The following AHI1 variants were observed in gnomAD, a reference collection of about 807,000 sequenced individuals.
AHI1 encodes the protein jouberin.
In AHI1, 123 loss-of-function variants were observed where a neutral mutation model predicts 149.3. The ratio of observed to expected loss-of-function variants is 0.82; its 90% CI spans 0.71 to 0.96. AHI1 has a LOEUF of 0.96. AHI1 is among the 40% of genes least tolerant of loss of function. The pLI is 0.00. For missense variants in AHI1, 1,439 were observed against 1,422.7 expected, an observed-to-expected ratio of 1.01 and a Z score of -0.18; for synonymous variants, 475 against 459.8, an observed-to-expected ratio of 1.03 and a Z score of -0.42.
At chr6:135,436,932 A>C (rs1482337350) in intron 15 of AHI1, among the ~76,000 whole-genome samples, 1 of 152,208 alleles carries the variant, frequency 6.6e-6, no homozygotes, top group Non-Finnish European at 1.5e-5. Context: ...ATGAGAGGAC[A>C]CAATCAATAG....
intron 23 of AHI1, among the ~76,000 whole-genome samples, chr6:135,363,799 G>GC (rs1385152893): frequency 9.4e-5 from 14 of 149,256 alleles, no homozygotes; most frequent in African/African-American, 1.5e-4. Flanking sequence ...GGACGGGGTG[G>GC]TGGCCGGGCA....
Position 135,453,383 on chromosome 6 carries a change from G to A in AHI1, c.1398C>T (p.Asn466=), listed in dbSNP as rs1238077724. The A allele has an allele frequency of 5.1e-6, 8 of 1,562,176 alleles. No individual in the cohort carries two copies. Among genetic ancestry groups the A allele is most frequent in the Middle Eastern group, 1.7e-4 (1 of 6,024 alleles). The change falls in exon 11 of 29, where the codon AAC becomes AAT. Residue 466 remains asparagine (N), a synonymous_variant. Coordinates refer to ENST00000265602, the MANE Select transcript of AHI1 (RefSeq NM_001134831.2). The part of the protein sequence containing the change: ...DEIKNNSEVQ[N]QECGFRKIAW... Reference sequence around the variant, plus strand: ...CAATTTTCCGAAAGCCACATTCTTGGTTTTGAACCTCAGAATTATTCTTAA... The same window carrying A: ...CAATTTTCCGAAAGCCACATTCTTGATTTTGAACCTCAGAATTATTCTTAA...
intron 13 of AHI1, 72 bp downstream of exon 13, chr6:135,446,936 C>T: frequency 6.9e-7 from 1 of 1,449,944 alleles, no homozygotes; most frequent in Admixed American, 2.1e-5. Flanking sequence ...AGCTAGATAT[C>T]CTAGGAGTTA....
At chr6:135,437,233 G>A (rs1319275442) in intron 15 of AHI1, among the ~76,000 whole-genome samples, 1 of 152,200 alleles carries the variant, frequency 6.6e-6, no homozygotes, top group Non-Finnish European at 1.5e-5. Context: ...TCTGCTGCCA[G>A]AGGAAAAAGA....
intron 15 of AHI1, among the ~76,000 whole-genome samples, chr6:135,438,170 C>T (rs917259896): frequency 6.6e-6 from 1 of 152,006 alleles, no homozygotes; most frequent in Non-Finnish European, 1.5e-5. Context: ...ATATTATATG[C>T]TACATAAATA....
chr6:135,375,754 G>A (rs1035138550), intron 23 of AHI1, among the ~76,000 whole-genome samples: 1 of 152,164 alleles, frequency 6.6e-6, no homozygotes, highest in Admixed American at 6.5e-5. Context: ...TTCACTGAAA[G>A]GATCTAGAAG....
chr6:135,456,072 A>G, intron 9 of AHI1, 146 bp from the exon 10 acceptor site: 1 of 485,482 alleles, frequency 2.1e-6, no homozygotes. Context: ...GTCCATCTAG[A>G]AACTTACAAA....
intron 28 of AHI1, among the ~76,000 whole-genome samples, chr6:135,287,240 A>T (rs1043162812): frequency 6.6e-6 from 1 of 152,216 alleles, no homozygotes; most frequent in Non-Finnish European, 1.5e-5. Flanking sequence ...CACTGTGAGA[A>T]GTAAACAGAG....
In AHI1 at chr6:135,446,324, C is replaced by T. The variant is rs186762449; in HGVS notation, c.1779+684G>A. Among the ~76,000 whole-genome samples, 313 of 152,202 alleles carry T rather than the reference C, an allele frequency of 2.1e-3. 1 individual carries two copies. The highest frequency in any genetic ancestry group is 6.8e-3 in the African/African-American group (284 of 41,542). ...CCAATAGGGGGAGAGACAACAGGGG[C>T]GTGCATGCACAAAGATCATGTGAAG... On this transcript the variant is annotated intron_variant, in intron 13 of 28. Coordinates refer to ENST00000265602, the MANE Select transcript of AHI1 (RefSeq NM_001134831.2).
intron 6 of AHI1, among the ~76,000 whole-genome samples, chr6:135,467,133 A>C (rs1790894981): frequency 6.6e-6 from 1 of 152,152 alleles, no homozygotes; most frequent in African/African-American, 2.4e-5. Flanking sequence ...CAAAGAGAGA[A>C]AGGGCAGTAT....
chr6:135,381,036 A>G (rs1776693435), intron 23 of AHI1, among the ~76,000 whole-genome samples: 1 of 152,202 alleles, frequency 6.6e-6, no homozygotes, highest in South Asian at 2.1e-4. Context: ...CATTAAGCAC[A>G]TTAATTTGCC....
At chr6:135,489,761 C>T (rs754348443) in intron 5 of AHI1, among the ~76,000 whole-genome samples, 25 of 151,892 alleles carry the variant, frequency 1.6e-4, no homozygotes, top group Non-Finnish European at 2.9e-4. Flanking sequence ...CTTGTTTTTG[C>T]CTCACTTCAG....
At chr6:135,353,207 T>C (rs1423889392) in intron 24 of AHI1, among the ~76,000 whole-genome samples, 1 of 152,114 alleles carries the variant, frequency 6.6e-6, no homozygotes, top group Admixed American at 6.5e-5. Flanking sequence ...TGCATTTATA[T>C]TTGAATTTCG....
Position 135,388,614 on chromosome 6 carries a change from T to C in AHI1, c.3109+6162A>G, listed in dbSNP as rs570550942. ...TTAAAACTTCAATATACCAAAATCT[T>C]AAAAACAGTAAAAAATTTAACTGGA... On this transcript the variant is annotated intron_variant, in intron 23 of 28. Coordinates refer to ENST00000265602, the MANE Select transcript of AHI1 (RefSeq NM_001134831.2). Among the ~76,000 whole-genome samples, 4 of 152,270 alleles carry C rather than the reference T, an allele frequency of 2.6e-5. No individual in the cohort carries two copies. In the South Asian group the frequency reaches 8.3e-4, roughly 32 times the overall value.
chr6:135,378,666 A>G (rs1027770329), intron 23 of AHI1, among the ~76,000 whole-genome samples: 2 of 152,250 alleles, frequency 1.3e-5, no homozygotes, highest in Admixed American at 1.3e-4. Flanking sequence ...ATAGATTGAA[A>G]GTAGATTAAC....
intron 20 of AHI1, among the ~76,000 whole-genome samples, chr6:135,413,739 A>T (rs200097166): frequency 9.4e-5 from 1 of 10,616 alleles, no homozygotes; most frequent in Non-Finnish European, 2.1e-3. Flanking sequence ...AATTGAAATT[A>T]AAAAAAAAAA....
rs546739913 is a variant in AHI1 at position 135,324,203 on chromosome 6, C to T, written c.3166-879G>A. Among the ~76,000 whole-genome samples the T allele has an allele frequency of 5.3e-5, 8 of 152,204 alleles. No individual in the cohort carries two copies. In the South Asian group the frequency reaches 1.5e-3, roughly 28 times the overall value. ...ATTAGTTGGCTGTGGTAGTGTGTGCCTGCAGTCCTAGCACTCAGGAGGCTG... is the reference window on the plus strand; with the variant it reads ...ATTAGTTGGCTGTGGTAGTGTGTGCTTGCAGTCCTAGCACTCAGGAGGCTG... On this transcript the variant is annotated intron_variant, in intron 24 of 28. Transcript: ENST00000265602.
At chr6:135,294,107 T>C (rs189114060) in intron 27 of AHI1, among the ~76,000 whole-genome samples, 63 of 152,108 alleles carry the variant, frequency 4.1e-4, no homozygotes, top group African/African-American at 1.5e-3. Flanking sequence ...GGTGGATCAC[T>C]TGAGGCCAGG....
intron 23 of AHI1, among the ~76,000 whole-genome samples, chr6:135,393,845 G>C (rs1189267486): frequency 6.6e-6 from 1 of 151,946 alleles, no homozygotes; most frequent in Non-Finnish European, 1.5e-5. Context: ...GTTTTCAAAT[G>C]AAGAGTCTAA....
Sources: allele counts gnomAD v4.1 joint callset (sites outside exome capture counted in the v4.1 genomes callset), GRCh38; gene constraint gnomAD v4.1.1; transcripts MANE v1.5; gene names NCBI Gene and HGNC (gene_info 2026-07-23, HGNC 2026-07-21).